The following ENPP1 variants were observed in gnomAD, a reference collection of about 807,000 sequenced individuals.
ENPP1 encodes the protein ectonucleotide pyrophosphatase/phosphodiesterase family member 1.
A neutral mutation model predicts 122.8 loss-of-function variants in ENPP1; 73 were observed. The ratio of observed to expected loss-of-function variants is 0.59; its 90% CI spans 0.49 to 0.72. The LOEUF (loss-of-function observed/expected upper bound fraction) is 0.72, where lower values mean the gene tolerates loss of function less well. ENPP1 is among the 30% of genes least tolerant of loss of function. The pLI is 0.00. For missense variants in ENPP1, 978 were observed against 1,128.1 expected, an observed-to-expected ratio of 0.87 and a Z score of 1.91; for synonymous variants, 367 against 391.6, an observed-to-expected ratio of 0.94 and a Z score of 0.74.
chr6:131,819,882 T>G, intron 1 of ENPP1: 2 of 471,966 alleles, frequency 4.2e-6, no homozygotes, highest in East Asian at 5.5e-5. Context: ...CTGGGGAGAG[T>G]TTCCCAGTGG....
chr6:131,826,244 G>T, intron 1 of ENPP1: 1 of 976,834 alleles, frequency 1.0e-6, no homozygotes, highest in Non-Finnish European at 1.7e-6. Flanking sequence ...CCATCTGGTA[G>T]CATCTCACTG....
chr6:131,838,773 A>T (rs1261887898), intron 1 of ENPP1, among the ~76,000 whole-genome samples: 3 of 152,144 alleles, frequency 2.0e-5, no homozygotes, highest in Non-Finnish European at 4.4e-5. Context: ...CATATCAAGA[A>T]TGAAAAAGAA....
intron 1 of ENPP1, among the ~76,000 whole-genome samples, chr6:131,823,163 T>C (rs1393087776): frequency 6.6e-6 from 1 of 152,204 alleles, no homozygotes; most frequent in Non-Finnish European, 1.5e-5. Flanking sequence ...TGGTAGTAAG[T>C]GCTATGTGTG....
intron 1 of ENPP1, among the ~76,000 whole-genome samples, chr6:131,834,794 C>T (rs1271496196): frequency 2.0e-5 from 3 of 151,884 alleles, no homozygotes; most frequent in Non-Finnish European, 4.4e-5. Context: ...CTCCTGACTT[C>T]GTGATCTGCC....
chr6:131,886,517 AG>A, intron 23 of ENPP1, 44 bp from the exon 24 acceptor site: 1 of 1,391,526 alleles, frequency 7.2e-7, no homozygotes. Flanking sequence ...ATCAAAAGGA[AG>A]ATAGTTATTT....
In ENPP1 at chr6:131,874,321, T is replaced by C. The variant is rs1489211566; in HGVS notation, c.1619T>C (p.Val540Ala). ...CGSGFHGSDN[V>A]FSNMQALFVG... Reference sequence around the variant, plus strand: ...AGTGGATTTCATGGCTCTGACAATGTATTTTCAAATATGCAAGTGAGTAAA... The same window carrying C: ...AGTGGATTTCATGGCTCTGACAATGCATTTTCAAATATGCAAGTGAGTAAA... Residue 540 changes from valine (V) to alanine (A), a missense_variant, in exon 16 of 25, where the codon GTA becomes GCA. Coordinates refer to ENST00000647893, the MANE Select transcript of ENPP1 (RefSeq NM_006208.3). 1.3e-6 allele frequency: 2 copies of C among 1,582,870 alleles called. No individual in the cohort carries two copies. The highest frequency in any genetic ancestry group is 1.7e-6 in the Non-Finnish European group (2 of 1,152,744).
chr6:131,808,631 G>A (rs1279814153), intron 1 of ENPP1, among the ~76,000 whole-genome samples: 1 of 152,218 alleles, frequency 6.6e-6, no homozygotes, highest in Non-Finnish European at 1.5e-5. Flanking sequence ...TTAAGAAGGT[G>A]CATCAATGTG....
In ENPP1 at chr6:131,894,989, G is replaced by A. The variant is rs186367123; in HGVS notation, c.*4478G>A. ...TCATGCTGAAGCTTTTCACATGAGT[G>A]CTTTCATAAGCATTAAGTAAAATTT... is the stretch of plus-strand genomic sequence containing the variant. On this transcript the variant is annotated 3_prime_UTR_variant, in exon 25 of 25. Transcript: ENST00000647893. 6.6e-6 allele frequency: 1 copy of A among 152,370 alleles called. No individual in the cohort carries two copies. Among genetic ancestry groups the A allele is most frequent in the East Asian group, 1.9e-4 (1 of 5,190 alleles). 9.4% of individuals were successfully genotyped at this position (152,370 alleles called of 1,614,324 possible). A position where few individuals can be genotyped will look rare whatever the true frequency, so the allele number is the denominator to read the frequency against.
In ENPP1 at chr6:131,861,636, A is replaced by ACG; in HGVS notation, c.957_958insCG (p.Phe320ArgfsTer33). ...AGTATCAAGGCCTCAAGTCTGGCAC[A>ACG]TTTTTCTGGCCAGGATCAGATGTGG... is the stretch of plus-strand genomic sequence containing the variant. On this transcript the variant is annotated frameshift_variant, in exon 9 of 25. Coordinates refer to ENST00000647893, the MANE Select transcript of ENPP1 (RefSeq NM_006208.3). LOFTEE classifies it high-confidence loss of function. 1 of 1,613,864 alleles carries ACG rather than the reference A, an allele frequency of 6.2e-7. No homozygotes were observed. Among genetic ancestry groups the ACG allele is most frequent in the Non-Finnish European group, 8.5e-7 (1 of 1,179,822 alleles).
chr6:131,809,742 T>C (rs1434668189), intron 1 of ENPP1, among the ~76,000 whole-genome samples: 4 of 152,228 alleles, frequency 2.6e-5, no homozygotes, highest in Admixed American at 1.3e-4. Context: ...CTATAAACCT[T>C]TACAGGTTTT....
intron 24 of ENPP1, among the ~76,000 whole-genome samples, chr6:131,889,043 T>G (rs1452195370): frequency 6.6e-6 from 1 of 152,206 alleles, no homozygotes; most frequent in Non-Finnish European, 1.5e-5. Flanking sequence ...TTCATGCATC[T>G]TTGTAGGTAA....
intron 13 of ENPP1, 60 bp downstream of exon 13, chr6:131,869,549 C>T: frequency 6.4e-7 from 1 of 1,559,800 alleles, no homozygotes; most frequent in South Asian, 1.1e-5. Flanking sequence ...TTCCTTTAGG[C>T]CGGGCACAGT....
intron 24 of ENPP1, among the ~76,000 whole-genome samples, chr6:131,890,122 CT>C (rs1341404629): frequency 6.6e-6 from 1 of 152,136 alleles, no homozygotes; most frequent in Non-Finnish European, 1.5e-5. Context: ...GGTATAGTTT[CT>C]TTTCCCCAAA....
intron 1 of ENPP1, among the ~76,000 whole-genome samples, chr6:131,824,305 G>C (rs1488509319): frequency 6.6e-6 from 1 of 152,044 alleles, no homozygotes; most frequent in Non-Finnish European, 1.5e-5. Context: ...GGCAGCAGCA[G>C]GGGAAAGGCC....
At chr6:131,855,133 T>G (rs1781929035) in intron 6 of ENPP1, 110 bp downstream of exon 6, 1 of 814,200 alleles carries the variant, frequency 1.2e-6, no homozygotes, top group African/African-American at 1.7e-5. Flanking sequence ...TTCACTAAAC[T>G]TTTCTATGGC....
At chr6:131,844,119 G>GT (rs748525174) in intron 1 of ENPP1, among the ~76,000 whole-genome samples, 32 of 152,180 alleles carry the variant, frequency 2.1e-4, no homozygotes, top group South Asian at 2.1e-4. Flanking sequence ...GTTGTTCCTA[G>GT]TTTTTTTGTT....
intron 13 of ENPP1, among the ~76,000 whole-genome samples, chr6:131,870,094 A>C (rs910897020): frequency 1.3e-5 from 2 of 151,638 alleles, no homozygotes; most frequent in Non-Finnish European, 2.9e-5. Context: ...CTTGTGTGTC[A>C]GGATAAAGAT....
rs73539675 is a variant in ENPP1 at position 131,855,169 on chromosome 6, G to A, written c.715+146G>A. On this transcript the variant is annotated intron_variant, in intron 6 of 24. Coordinates refer to ENST00000647893, the MANE Select transcript of ENPP1 (RefSeq NM_006208.3). ...AAAGTAGTTGAACCTTGTGTAAGGC[G>A]CTTATCTTTAATAGTGTGATTACTC... 0.013 allele frequency: 8,909 copies of A among 698,504 alleles called. 561 individuals carry two copies. The African/African-American group carries it at 0.13, about 11-fold the overall frequency. 43.3% of individuals were successfully genotyped at this position (698,504 alleles called of 1,614,324 possible). A position where few individuals can be genotyped will look rare whatever the true frequency, so the allele number is the denominator to read the frequency against.
At chr6:131,848,557 G>T (rs536438240) in intron 2 of ENPP1, among the ~76,000 whole-genome samples, 3 of 152,180 alleles carry the variant, frequency 2.0e-5, no homozygotes, top group African/African-American at 7.2e-5. Flanking sequence ...AAGCTATCAT[G>T]TACTGTTGAA....
Sources: allele counts gnomAD v4.1 joint callset (sites outside exome capture counted in the v4.1 genomes callset), GRCh38; gene constraint gnomAD v4.1.1; transcripts MANE v1.5; gene names NCBI Gene and HGNC (gene_info 2026-07-23, HGNC 2026-07-21).